The following TBC1D32 variants were observed in gnomAD, a reference collection of about 807,000 sequenced individuals.
TBC1D32 encodes TBC1 domain family member 32.
In TBC1D32, 151 loss-of-function variants were observed where a neutral mutation model predicts 170.3. The observed-to-expected ratio is 0.89, with a 90% CI of 0.78 to 1.01. The LOEUF is 1.01. TBC1D32 is among the 50% of genes least tolerant of loss of function. The pLI is 0.00. For synonymous variants in TBC1D32, 498 were observed against 488.0 expected (o/e 1.02, Z -0.27); for missense variants, 1,464 against 1,457.1 (o/e 1.00, Z -0.08).
chr6:121,155,806 A>T (rs562673830), intron 24 of TBC1D32, among the ~76,000 whole-genome samples: 1 of 152,264 alleles, frequency 6.6e-6, no homozygotes, highest in South Asian at 2.1e-4. Flanking sequence ...GGTGAATCAC[A>T]TTCATTGATT....
intron 22 of TBC1D32, among the ~76,000 whole-genome samples, chr6:121,200,588 T>TCC (rs1791413561): frequency 1.3e-5 from 2 of 151,548 alleles, no homozygotes; most frequent in Non-Finnish European, 2.9e-5. Context: ...CTCAAAACGA[T>TCC]CTGGCAATGT....
chr6:121,096,658 G>A (rs1380545004), intron 30 of TBC1D32, among the ~76,000 whole-genome samples: 1 of 151,786 alleles, frequency 6.6e-6, no homozygotes, highest in Non-Finnish European at 1.5e-5. Context: ...TTCCCATCAA[G>A]CTACCAATGA....
At position 121,308,686 on chromosome 6, in the gene TBC1D32, CTTTTTTT is replaced by C. The variant is rs67847088; in HGVS notation, c.565-592_565-586del. On this transcript the variant is annotated intron_variant, in intron 4 of 31. Transcript: ENST00000398212. ...CTGTATTTTCACAGAAAGCTTACTT[CTTTTTTT>C]TTTTTTTTTTTTTGAGACGGAGTCT... 4.7e-3 allele frequency among the ~76,000 whole-genome samples: 528 copies of C among 112,532 alleles called. 5 individuals carry two copies. Among genetic ancestry groups the C allele is most frequent in the Middle Eastern group, 0.015 (3 of 198 alleles). 73.8% of individuals were successfully genotyped at this position (112,532 alleles called of 152,430 possible).
At chr6:121,091,731 A>G (rs984376022) in intron 30 of TBC1D32, among the ~76,000 whole-genome samples, 2 of 152,192 alleles carry the variant, frequency 1.3e-5, no homozygotes, top group African/African-American at 2.4e-5. Flanking sequence ...TGATACATCA[A>G]TGTTATGGGT....
intron 22 of TBC1D32, among the ~76,000 whole-genome samples, chr6:121,191,227 TCTTA>T (rs1258944035): frequency 1.3e-5 from 2 of 152,162 alleles, no homozygotes; most frequent in Non-Finnish European, 2.9e-5. Flanking sequence ...CACATATGTA[TCTTA>T]CTTAACCAAA....
chr6:121,198,868 A>G (rs1235355307), intron 22 of TBC1D32, among the ~76,000 whole-genome samples: 1 of 151,514 alleles, frequency 6.6e-6, no homozygotes, highest in East Asian at 1.9e-4. Context: ...TAAAGGAGGA[A>G]AATAAAGAAT....
chr6:121,289,192 T>C (rs1462006444), intron 12 of TBC1D32, among the ~76,000 whole-genome samples: 1 of 152,102 alleles, frequency 6.6e-6, no homozygotes, highest in African/African-American at 2.4e-5. Flanking sequence ...GGGTATTCAA[T>C]TAGGAAAAGA....
chr6:121,173,656 A>AT (rs1787369517), intron 22 of TBC1D32, among the ~76,000 whole-genome samples: 1 of 152,182 alleles, frequency 6.6e-6, no homozygotes, highest in Non-Finnish European at 1.5e-5. Context: ...TACTAGTTAG[A>AT]TTACAGAGAC....
At chr6:121,169,234 G>A (rs1355485798) in intron 22 of TBC1D32, among the ~76,000 whole-genome samples, 1 of 152,030 alleles carries the variant, frequency 6.6e-6, no homozygotes, top group Non-Finnish European at 1.5e-5. Context: ...TAGACCAATG[G>A]AACAGAATAG....
At position 121,318,427 on chromosome 6, in the gene TBC1D32, G is replaced by A. The variant is rs187184272; in HGVS notation, c.318-755C>T. Among the ~76,000 whole-genome samples, 6 of 152,118 alleles carry A rather than the reference G, an allele frequency of 3.9e-5. No homozygotes were observed. In the East Asian group the frequency reaches 1.2e-3, roughly 29 times the overall value. ...AAAGAACTAAGAATAGAATTTTAGAGCTAGAAAGAACCATAAATATAGTCT... is the reference window on the plus strand; with the variant it reads ...AAAGAACTAAGAATAGAATTTTAGAACTAGAAAGAACCATAAATATAGTCT... On this transcript the variant is annotated intron_variant, in intron 2 of 31. Transcript: ENST00000398212.
intron 2 of TBC1D32, 28 bp downstream of exon 2, chr6:121,321,605 T>C (rs1262000585): frequency 1.3e-6 from 2 of 1,598,860 alleles, no homozygotes; most frequent in Non-Finnish European, 1.7e-6. Context: ...AGAAGGTTAT[T>C]TGAAGATATT....
intron 21 of TBC1D32, among the ~76,000 whole-genome samples, chr6:121,212,041 GTAGT>G (rs1307200110): frequency 1.3e-5 from 2 of 150,380 alleles, no homozygotes; most frequent in Non-Finnish European, 3.0e-5. Context: ...CAAAAGGGAC[GTAGT>G]TACTGACCTA....
intron 31 of TBC1D32, among the ~76,000 whole-genome samples, chr6:121,081,557 T>C (rs759221243): frequency 5.3e-5 from 8 of 152,074 alleles, no homozygotes; most frequent in Non-Finnish European, 1.2e-4. Flanking sequence ...ATATTTATAA[T>C]GTTAGGAGTT....
At chr6:121,191,200 A>C (rs113740627) in intron 22 of TBC1D32, among the ~76,000 whole-genome samples, 2,183 of 152,328 alleles carry the variant, frequency 0.014, 14 homozygotes, top group Middle Eastern at 0.034. Flanking sequence ...ATATACATGC[A>C]TGCACACCCA....
chr6:121,094,601 T>C (rs1453889192), intron 30 of TBC1D32, among the ~76,000 whole-genome samples: 3 of 152,176 alleles, frequency 2.0e-5, no homozygotes, highest in Non-Finnish European at 4.4e-5. Flanking sequence ...TTTAAAAACA[T>C]ATATAAAGGA....
At position 121,310,858 on chromosome 6, in the gene TBC1D32, A is replaced by C. The variant is rs2128488093; in HGVS notation, c.496-11T>G. On this transcript the variant is annotated splice_polypyrimidine_tract_variant and intron_variant, in intron 3 of 31. Coordinates refer to ENST00000398212, the MANE Select transcript of TBC1D32 (RefSeq NM_152730.6). ...ACAAAATTTGTAACTCTGTAACACA[A>C]TTGTCAGGACATTCATTTATTTAGA... is the stretch of plus-strand genomic sequence containing the variant. The C allele has an allele frequency of 6.8e-7, 1 of 1,466,414 alleles. No individual in the cohort carries two copies. The highest frequency in any genetic ancestry group is 9.5e-7 in the Non-Finnish European group (1 of 1,050,700). 90.8% of individuals were successfully genotyped at this position (1,466,414 alleles called of 1,614,324 possible).
upstream of TBC1D32, chr6:121,334,728 A>G (rs1582503487): frequency 1.5e-5 from 5 of 327,748 alleles, no homozygotes; most frequent in Non-Finnish European, 2.3e-5. Context: ...GACATCAGGA[A>G]TGATCTGATG....
chr6:121,208,064 T>C lies in TBC1D32; in HGVS notation c.2482-2901A>G, dbSNP rs112206583. Among the ~76,000 whole-genome samples, 454 of 151,826 alleles carry C rather than the reference T, an allele frequency of 3.0e-3. 3 individuals are homozygous for C. The highest frequency in any genetic ancestry group is 0.011 in the African/African-American group (439 of 41,390). Reference sequence around the variant, plus strand: ...AGTAGAGGAAAAGGCTGCTCTCCTGTTTGGGGTTTTAGAGAGTTAAATGGT... The same window carrying C: ...AGTAGAGGAAAAGGCTGCTCTCCTGCTTGGGGTTTTAGAGAGTTAAATGGT... On this transcript the variant is annotated intron_variant, in intron 21 of 31. Transcript: ENST00000398212.
At chr6:121,143,464 T>C (rs904069549) in intron 24 of TBC1D32, among the ~76,000 whole-genome samples, 1 of 152,124 alleles carries the variant, frequency 6.6e-6, no homozygotes, top group African/African-American at 2.4e-5. Context: ...ATCTAACAGA[T>C]GAGATGCTAA....
Sources: gnomAD v4.1 joint callset for allele counts (sites outside exome capture counted in the v4.1 genomes callset) on GRCh38, gnomAD v4.1.1 for gene constraint, MANE v1.5 for transcripts, NCBI Gene and HGNC (gene_info 2026-07-23, HGNC 2026-07-21) for gene names.